The following SPOCK3 variants were observed in gnomAD, a reference collection of about 807,000 sequenced individuals.
SPOCK3 encodes the protein testican-3.
In SPOCK3, 30 loss-of-function variants were observed where a neutral mutation model predicts 56.6. That is an observed-to-expected ratio of 0.53 (90% CI 0.40 to 0.72). The LOEUF is 0.72. SPOCK3 is among the 30% of genes least tolerant of loss of function. The probability of loss-of-function intolerance (pLI) is 0.00; values close to 1 mark genes in which losing one functional copy is unlikely to be tolerated. For missense variants in SPOCK3, 527 were observed against 530.0 expected, an observed-to-expected ratio of 0.99 and a Z score of 0.06; for synonymous variants, 196 against 183.3, an observed-to-expected ratio of 1.07 and a Z score of -0.56.
chr4:166,943,047 A>G (rs1741295507), intron 4 of SPOCK3, among the ~76,000 whole-genome samples: 1 of 152,210 alleles, frequency 6.6e-6, no homozygotes. Flanking sequence ...TGTCATTTTA[A>G]CAAAATGTTC....
chr4:166,767,122 A>G (rs1254436312), intron 7 of SPOCK3, among the ~76,000 whole-genome samples: 1 of 151,802 alleles, frequency 6.6e-6, no homozygotes, highest in Non-Finnish European at 1.5e-5. Flanking sequence ...AATTTTGTTG[A>G]TCTTTTCAAA....
At chr4:167,004,290 C>T (rs920102448) in intron 3 of SPOCK3, among the ~76,000 whole-genome samples, 4 of 152,052 alleles carry the variant, frequency 2.6e-5, no homozygotes, top group African/African-American at 7.2e-5. Flanking sequence ...TAGGACCCAC[C>T]AAGTGCACAA....
At chr4:167,005,093 A>G (rs975677866) in intron 3 of SPOCK3, among the ~76,000 whole-genome samples, 7 of 152,154 alleles carry the variant, frequency 4.6e-5, no homozygotes, top group African/African-American at 1.2e-4. Flanking sequence ...TTTTATGGCC[A>G]ACTCTCTTAT....
intron 2 of SPOCK3, among the ~76,000 whole-genome samples, chr4:167,063,588 T>G (rs1005890025): frequency 6.6e-6 from 1 of 151,932 alleles, no homozygotes; most frequent in African/African-American, 2.4e-5. Flanking sequence ...GAATATCACA[T>G]AGTGGTGAAG....
chr4:166,837,944 G>A (rs1331537546), intron 6 of SPOCK3, among the ~76,000 whole-genome samples: 3 of 152,098 alleles, frequency 2.0e-5, no homozygotes, highest in East Asian at 3.9e-4. Flanking sequence ...ACTTGACAAA[G>A]GATTCTGGGT....
Position 166,901,427 on chromosome 4 carries a change from C to T in SPOCK3, c.474+11193G>A, listed in dbSNP as rs190837472. On this transcript the variant is annotated intron_variant, in intron 5 of 10. Transcript: ENST00000357545. ...ACAACAGACTCATCATTTATAGATA[C>T]CTTGCAGGAAGTTCTTTTCGTAACA... Among the ~76,000 whole-genome samples, 212 of 152,182 alleles carry T rather than the reference C, an allele frequency of 1.4e-3. 1 individual carries two copies. Among genetic ancestry groups the T allele is most frequent in the African/African-American group, 4.9e-3 (205 of 41,532 alleles).
intron 2 of SPOCK3, among the ~76,000 whole-genome samples, chr4:167,063,410 G>A (rs1290992995): frequency 6.6e-6 from 1 of 151,800 alleles, no homozygotes; most frequent in Non-Finnish European, 1.5e-5. Context: ...CCTGCCAAAA[G>A]AGAGTAGCAC....
At chr4:167,004,319 G>A in intron 3 of SPOCK3, among the ~76,000 whole-genome samples, 1 of 152,126 alleles carries the variant, frequency 6.6e-6, no homozygotes, top group Admixed American at 6.6e-5. Context: ...TCCAGTATAA[G>A]TAGATGGAAT....
At chr4:166,881,971 G>T (rs1733729089) in intron 6 of SPOCK3, among the ~76,000 whole-genome samples, 1 of 152,136 alleles carries the variant, frequency 6.6e-6, no homozygotes, top group South Asian at 2.1e-4. Context: ...AAATGCTGTT[G>T]AATATGTGGT....
chr4:166,888,283 C>T (rs542225131), intron 6 of SPOCK3, among the ~76,000 whole-genome samples: 2 of 152,144 alleles, frequency 1.3e-5, no homozygotes, highest in East Asian at 1.9e-4. Flanking sequence ...GCAAAAATTA[C>T]TTATCCACAC....
intron 6 of SPOCK3, among the ~76,000 whole-genome samples, chr4:166,872,443 A>T (rs1732588573): frequency 6.6e-6 from 1 of 152,136 alleles, no homozygotes; most frequent in South Asian, 2.1e-4. Context: ...ACAAAAACAA[A>T]CTATACATAT....
intron 2 of SPOCK3, chr4:167,119,754 C>T: frequency 7.4e-7 from 1 of 1,360,360 alleles, no homozygotes; most frequent in Non-Finnish European, 1.0e-6. Context: ...CTCTGCTACC[C>T]ACTATTTCAC....
intron 2 of SPOCK3, among the ~76,000 whole-genome samples, chr4:167,133,488 A>G (rs1488597487): frequency 6.6e-6 from 1 of 152,218 alleles, no homozygotes; most frequent in Non-Finnish European, 1.5e-5. Context: ...GCAATAGGAA[A>G]TGAATGCACT....
chr4:166,798,912 A>C lies in SPOCK3; in HGVS notation c.590-6623T>G, dbSNP rs576070840. 1.0e-3 allele frequency among the ~76,000 whole-genome samples: 152 copies of C among 152,270 alleles called. 2 individuals carry two copies. The highest frequency in any genetic ancestry group is 3.4e-3 in the African/African-American group (141 of 41,560). The stretch of plus-strand genomic sequence containing the variant: ...CAATCAGATAAGCTGATTGTGCAGA[A>C]AAAAAATACTTGCATGAGCAAATCT... On this transcript the variant is annotated intron_variant, in intron 6 of 10. Transcript: ENST00000357545.
chr4:167,054,923 G>C (rs979078797), intron 3 of SPOCK3, among the ~76,000 whole-genome samples: 1 of 152,126 alleles, frequency 6.6e-6, no homozygotes, highest in East Asian at 1.9e-4. Context: ...TGCATATATA[G>C]AAAGGAGTTT....
chr4:166,813,005 C>A (rs1278423042), intron 6 of SPOCK3, among the ~76,000 whole-genome samples: 10 of 151,938 alleles, frequency 6.6e-5, no homozygotes, highest in Non-Finnish European at 1.3e-4. Context: ...TCCAATGATT[C>A]CATTTCATTG....
At chr4:166,768,715 T>G (rs940429075) in intron 7 of SPOCK3, among the ~76,000 whole-genome samples, 1 of 152,222 alleles carries the variant, frequency 6.6e-6, no homozygotes, top group African/African-American at 2.4e-5. Context: ...CTGTATTTCA[T>G]GAATTTGAAT....
In SPOCK3 at chr4:167,078,059, G is replaced by A. The variant is rs1043737465; in HGVS notation, c.190-15522C>T. On this transcript the variant is annotated intron_variant, in intron 2 of 10. Transcript: ENST00000357545. ...CATGGTAGCAACATAATGTAGCTACGTATTAATACAAAATGTTAAACCTTC... is the reference window on the plus strand; with the variant it reads ...CATGGTAGCAACATAATGTAGCTACATATTAATACAAAATGTTAAACCTTC... Among the ~76,000 whole-genome samples the A allele has an allele frequency of 3.2e-4, 49 of 151,902 alleles. 1 individual carries two copies. Among genetic ancestry groups the A allele is most frequent in the African/African-American group, 8.4e-4 (35 of 41,480 alleles).
intron 4 of SPOCK3, among the ~76,000 whole-genome samples, chr4:166,950,386 C>T (rs1365615124): frequency 6.6e-6 from 1 of 151,308 alleles, no homozygotes. Flanking sequence ...GAAGAGCTAA[C>T]TATCCTAAAT....
Sources: gnomAD v4.1 joint callset for allele counts (sites outside exome capture counted in the v4.1 genomes callset) on GRCh38, gnomAD v4.1.1 for gene constraint, MANE v1.5 for transcripts, NCBI Gene and HGNC (gene_info 2026-07-23, HGNC 2026-07-21) for gene names.